Variants in ZYG11B observed in about 807,000 individuals in gnomAD.
The protein encoded by ZYG11B is zyg-11 family member B, cell cycle regulator, also known as protein zyg-11 homolog B.
A neutral mutation model predicts 82.4 loss-of-function variants in ZYG11B; 36 were observed. That is an observed-to-expected ratio of 0.44 (90% CI 0.33 to 0.58). The LOEUF (loss-of-function observed/expected upper bound fraction) is 0.58. Ranked by LOEUF, ZYG11B falls within the 20% of genes least tolerant of loss-of-function variation. The pLI, the probability that ZYG11B is intolerant of heterozygous loss-of-function variation, is 0.02. For synonymous variants in ZYG11B, 303 were observed against 312.8 expected (o/e 0.97, Z 0.33); for missense variants, 552 against 895.6 (o/e 0.62, Z 4.90).
At chr1:52,756,022 A>G (rs762762903) in intron 1 of ZYG11B, among the ~76,000 whole-genome samples, 3 of 151,870 alleles carry the variant, frequency 2.0e-5, no homozygotes, top group African/African-American at 4.8e-5. Context: ...CTGGTCTCGA[A>G]CTCCTGGCCT....
At chr1:52,802,338 C>CTTTTTT (rs1645082114) in intron 10 of ZYG11B, among the ~76,000 whole-genome samples, 199 bp downstream of exon 10, 13 of 131,884 alleles carry the variant, frequency 9.9e-5, no homozygotes, top group African/African-American at 3.7e-4. Context: ...CTTTCTTTCT[C>CTTTTTT]TCTTTTTTTT....
intron 8 of ZYG11B, among the ~76,000 whole-genome samples, chr1:52,797,297 T>C (rs1558137670): frequency 1.1e-5 from 1 of 87,012 alleles, no homozygotes; most frequent in African/African-American, 5.2e-5. Flanking sequence ...ATATATAAAA[T>C]ATAATATAAA....
intron 1 of ZYG11B, 128 bp downstream of exon 1, chr1:52,726,811 T>G: frequency 3.3e-6 from 3 of 910,636 alleles, no homozygotes; most frequent in Non-Finnish European, 4.5e-6. Context: ...TTTACCTCTC[T>G]CCCTCGTTAC....
At position 52,824,634 on chromosome 1, in the gene ZYG11B, G is replaced by C. The variant is rs563545790; in HGVS notation, c.*3005G>C. The C allele has an allele frequency of 2.7e-5, 4 of 146,900 alleles. No homozygotes were observed. Among genetic ancestry groups the C allele is most frequent in the Non-Finnish European group, 5.9e-5 (4 of 67,438 alleles). 9.1% of individuals were successfully genotyped at this position (146,900 alleles called of 1,614,324 possible). A position where few individuals can be genotyped will look rare whatever the true frequency, so the allele number is the denominator to read the frequency against. ...AGCCTGGGTGACAGAGTAAGACTCC[G>C]TCTCAAAAAAAAAAAAAGCATAATA... On this transcript the variant is annotated 3_prime_UTR_variant, in exon 14 of 14. Transcript: ENST00000294353.
At chr1:52,806,394 T>C (rs1008862067) in intron 10 of ZYG11B, among the ~76,000 whole-genome samples, 1 of 152,228 alleles carries the variant, frequency 6.6e-6, no homozygotes, top group African/African-American at 2.4e-5. Flanking sequence ...CTACCTGTTC[T>C]ATCAATTATT....
chr1:52,809,801 T>C (rs1273331934), intron 10 of ZYG11B, among the ~76,000 whole-genome samples: 1 of 152,204 alleles, frequency 6.6e-6, no homozygotes, highest in East Asian at 1.9e-4. Context: ...TATTGGCCAT[T>C]TGTATGTCTT....
intron 10 of ZYG11B, among the ~76,000 whole-genome samples, chr1:52,811,191 T>A (rs1047593552): frequency 2.0e-5 from 3 of 152,236 alleles, no homozygotes; most frequent in African/African-American, 7.2e-5. Context: ...CTTTGATTTT[T>A]TGAATGATAA....
intron 4 of ZYG11B, among the ~76,000 whole-genome samples, chr1:52,781,763 A>T (rs1425456507): frequency 2.6e-5 from 4 of 152,238 alleles, no homozygotes; most frequent in Non-Finnish European, 5.9e-5. Flanking sequence ...TTAAGTAATA[A>T]TAAGTCAGTG....
intron 3 of ZYG11B, among the ~76,000 whole-genome samples, chr1:52,776,857 A>G (rs1189705632): frequency 1.3e-5 from 2 of 152,200 alleles, no homozygotes; most frequent in Non-Finnish European, 2.9e-5. Flanking sequence ...ATGTAGTCCA[A>G]ACCAGTTTGT....
At chr1:52,756,899 T>C (rs1214939931) in intron 2 of ZYG11B, among the ~76,000 whole-genome samples, 1 of 150,960 alleles carries the variant, frequency 6.6e-6, no homozygotes. Flanking sequence ...CTCACTGCAG[T>C]CTCAACCTCC....
chr1:52,800,951 A>G (rs1187278827), intron 8 of ZYG11B, among the ~76,000 whole-genome samples: 1 of 152,232 alleles, frequency 6.6e-6, no homozygotes. Context: ...CTGTTTTAAC[A>G]GAGCTTCCTT....
At position 52,771,447 on chromosome 1, in the gene ZYG11B, A is replaced by G. The variant is rs1456293609; in HGVS notation, c.624A>G (p.Lys208=). 6 of 1,613,806 alleles carry G rather than the reference A, an allele frequency of 3.7e-6. No individual in the cohort carries two copies. ...ITDITALLAC[K]DRLKSLTMHH... ...ACATCACTGCTCTACTGGCCTGCAAAGACCGACTCAAGTCTCTAACCATGC... is the reference window on the plus strand; with the variant it reads ...ACATCACTGCTCTACTGGCCTGCAAGGACCGACTCAAGTCTCTAACCATGC... The change falls in exon 3 of 14, where the codon AAA becomes AAG. Residue 208 remains lysine (K), a synonymous_variant. Transcript: ENST00000294353. This position sits in a 1 kb window ranked among gnomAD's most constrained non-coding sequence, Gnocchi z 5.4.
rs552811447 is a variant in ZYG11B, at chr1:52,821,578, C to T, written c.2184C>T (p.Arg728=). Residue 728 remains arginine (R), a synonymous_variant, in exon 14 of 14, where the codon CGC becomes CGT. Transcript: ENST00000294353. ...ATAGCTTAGAAAAACACATTGTGCG[C>T]CATGGGAGGCCACCTCCCTGTAAAA... ...ILDSLEKHIV[R]HGRPPPCKKQ... is the part of the protein sequence containing the mutation. 6.2e-7 allele frequency: 1 copy of T among 1,614,026 alleles called. No homozygotes were observed. The highest frequency in any genetic ancestry group is 1.3e-5 in the African/African-American group (1 of 75,026).
chr1:52,735,038 T>A (rs1193604437), intron 1 of ZYG11B, among the ~76,000 whole-genome samples: 1 of 146,072 alleles, frequency 6.8e-6, no homozygotes, highest in South Asian at 2.1e-4. Context: ...CCAAATCACT[T>A]TTTTTTTTTT....
In ZYG11B at chr1:52,827,302, GA is replaced by G. The variant is rs768014093; in HGVS notation, c.*5674del. ...TTGTGTGTACAGATTTTTGTTTTGG[GA>G]TTTTTTTTGCCTAAATAAATGTTAT... On this transcript the variant is annotated 3_prime_UTR_variant, in exon 14 of 14. Coordinates refer to ENST00000294353, the MANE Select transcript of ZYG11B (RefSeq NM_024646.3). The G allele has an allele frequency of 6.6e-6, 1 of 152,034 alleles. No homozygotes were observed. Among genetic ancestry groups the G allele is most frequent in the Non-Finnish European group, 1.5e-5 (1 of 68,008 alleles). The allele number at this position is 152,034 out of a possible 1,614,324, so 9.4% of individuals were successfully genotyped here.
chr1:52,727,385 T>C (rs1644295101), intron 1 of ZYG11B, among the ~76,000 whole-genome samples: 1 of 152,128 alleles, frequency 6.6e-6, no homozygotes. Context: ...CCTAGTGTCA[T>C]TGCAAAATCG....
chr1:52,803,067 A>G (rs1433940350), intron 10 of ZYG11B, among the ~76,000 whole-genome samples: 1 of 105,762 alleles, frequency 9.5e-6, no homozygotes, highest in Admixed American at 1.2e-4. Context: ...TATTTTTGCC[A>G]CTATATATAT....
chr1:52,742,908 G>C (rs1023869240), intron 1 of ZYG11B, among the ~76,000 whole-genome samples: 3 of 150,510 alleles, frequency 2.0e-5, no homozygotes, highest in Admixed American at 6.6e-5. Flanking sequence ...GCCCCCGCCC[G>C]GCCAGCCGCC....
chr1:52,758,954 T>C (rs1644603417), intron 2 of ZYG11B, among the ~76,000 whole-genome samples: 1 of 152,072 alleles, frequency 6.6e-6, no homozygotes, highest in Admixed American at 6.6e-5. Flanking sequence ...TATTTTGAGA[T>C]GGAGTCTTGC....
Sources: gnomAD v4.1 joint callset for allele counts (sites outside exome capture counted in the v4.1 genomes callset) on GRCh38, gnomAD v4.1.1 for gene constraint, Gnocchi (gnomAD v3.1) non-coding constraint, MANE v1.5 for transcripts, NCBI Gene and HGNC (gene_info 2026-07-23, HGNC 2026-07-21) for gene names.